TENM1: variants seen among roughly 807,000 people sequenced by gnomAD.
TENM1 encodes the protein teneurin transmembrane protein 1, also known as teneurin-1.
In TENM1, 35 loss-of-function variants were observed where a neutral mutation model predicts 174.8. That is an observed-to-expected ratio of 0.20 (90% CI 0.15 to 0.27). The LOEUF is 0.27. TENM1 is among the 10% of genes least tolerant of loss of function. The pLI, the probability that TENM1 is intolerant of heterozygous loss-of-function variation, is 1.00. For missense variants in TENM1, 1,633 were observed against 2,130.1 expected (o/e 0.77, Z 4.59); for synonymous variants, 781 against 798.7 (o/e 0.98, Z 0.37).
At chrX:124,676,306 ATATATATAC>A (rs2052083319) in intron 5 of TENM1, among the ~76,000 whole-genome samples, 1 of 55,541 alleles carries the variant, frequency 1.8e-5, no homozygotes, top group Non-Finnish European at 3.3e-5. Context: ...ATATATATAT[ATATATATAC>A]TCAATGAATG....
At chrX:124,685,883 T>C (rs769858198) in intron 5 of TENM1, among the ~76,000 whole-genome samples, 83 of 111,904 alleles carry the variant, frequency 7.4e-4, no homozygotes, top group African/African-American at 2.5e-3. Flanking sequence ...ATACACATTA[T>C]GGAAGTCCCG....
intron 1 of TENM1, among the ~76,000 whole-genome samples, chrX:124,930,860 C>G (rs954302261): frequency 6.2e-5 from 7 of 112,034 alleles, no homozygotes; most frequent in Admixed American, 3.8e-4. Flanking sequence ...TTCTTTTAGA[C>G]TGGATTTTTC....
chrX:124,744,260 G>T (rs1055335944), intron 3 of TENM1, among the ~76,000 whole-genome samples: 1 of 111,346 alleles, frequency 9.0e-6, no homozygotes, highest in Admixed American at 9.6e-5. Context: ...ATACAAGATG[G>T]ATATAACTCT....
At chrX:125,148,618 C>A in the TENM1 span, among the ~76,000 whole-genome samples, 1 of 111,697 alleles carries the variant, frequency 9.0e-6, no homozygotes, top group Non-Finnish European at 1.9e-5. Context: ...TTCCATAGTT[C>A]TAAATGTCTA....
intron 4 of TENM1, among the ~76,000 whole-genome samples, chrX:124,717,381 C>T (rs5956681): frequency 0.036 from 3,975 of 111,685 alleles, 174 homozygotes; most frequent in African/African-American, 0.12. Flanking sequence ...TAGAGGCAAT[C>T]GTATTCTCTC....
chrX:125,044,453 C>T, the TENM1 span, among the ~76,000 whole-genome samples: 1 of 109,216 alleles, frequency 9.2e-6, no homozygotes, highest in Non-Finnish European at 1.9e-5. Flanking sequence ...AGCCTGGTAT[C>T]GTGGCACACA....
intron 11 of TENM1, among the ~76,000 whole-genome samples, chrX:124,597,204 G>GAA (rs2049916724): frequency 9.0e-6 from 1 of 111,656 alleles, no homozygotes; most frequent in African/African-American, 3.3e-5. Context: ...GTCATTATAT[G>GAA]GAAAAAGACA....
the TENM1 span, among the ~76,000 whole-genome samples, chrX:124,970,435 T>C: frequency 8.9e-6 from 1 of 112,134 alleles, no homozygotes; most frequent in African/African-American, 3.2e-5. Flanking sequence ...TTTGGAATTA[T>C]TACAATAATT....
chrX:124,885,006 G>A (rs759954488), intron 3 of TENM1, among the ~76,000 whole-genome samples: 1 of 111,145 alleles, frequency 9.0e-6, no homozygotes, highest in South Asian at 3.8e-4. Flanking sequence ...GAATATTGTA[G>A]GCAATTATAA....
chrX:124,859,142 C>G (rs911698711), intron 3 of TENM1, among the ~76,000 whole-genome samples: 1 of 111,021 alleles, frequency 9.0e-6, no homozygotes, highest in Middle Eastern at 4.2e-3. Flanking sequence ...TTTTTGGAGT[C>G]TAGATGAGCA....
At chrX:124,659,084 G>T (rs1488334262) in intron 6 of TENM1, among the ~76,000 whole-genome samples, 1 of 111,851 alleles carries the variant, frequency 8.9e-6, no homozygotes, top group Admixed American at 9.5e-5. Context: ...CTCACACGGT[G>T]TAATACAAAT....
At chrX:124,752,262 A>T (rs2054093788) in intron 3 of TENM1, among the ~76,000 whole-genome samples, 1 of 110,623 alleles carries the variant, frequency 9.0e-6, no homozygotes, top group South Asian at 3.8e-4. Context: ...GCATTTTTTC[A>T]TGTGTCTTTT....
the TENM1 span, among the ~76,000 whole-genome samples, chrX:125,027,400 G>T: frequency 9.0e-6 from 1 of 111,326 alleles, no homozygotes; most frequent in Non-Finnish European, 1.9e-5. Context: ...GTTATTGAAG[G>T]ACATTAAAGA....
At chrX:124,910,911 A>G (rs2057825121) in intron 1 of TENM1, among the ~76,000 whole-genome samples, 3 of 108,488 alleles carry the variant, frequency 2.8e-5, no homozygotes, top group African/African-American at 1.0e-4. Flanking sequence ...CAAATTATAT[A>G]TTATAATTTT....
Position 124,684,364 on chromosome X carries a change from C to T in TENM1, c.1016-12529G>A, listed in dbSNP as rs765106576. ...GAAGAGTGTAAGAAGAATAGTTTAG[C>T]ATTACCTGCAATACTACTCTCCCAG... On this transcript the variant is annotated intron_variant, in intron 5 of 31. Coordinates refer to ENST00000422452, the Ensembl canonical transcript of TENM1. Among the ~76,000 whole-genome samples the T allele has an allele frequency of 3.6e-5, 4 of 112,570 alleles. No homozygotes were observed. In the East Asian group the frequency reaches 1.1e-3, roughly 32 times the overall value.
intron 3 of TENM1, among the ~76,000 whole-genome samples, chrX:124,743,514 G>T (rs2053848299): frequency 8.9e-6 from 1 of 112,095 alleles, no homozygotes; most frequent in East Asian, 2.8e-4. Flanking sequence ...GACTGAAGGA[G>T]AACAGTCACA....
intron 15 of TENM1, among the ~76,000 whole-genome samples, chrX:124,545,981 C>T (rs1389894737): frequency 3.6e-5 from 4 of 111,800 alleles, no homozygotes; most frequent in African/African-American, 1.3e-4. Context: ...TTATTTTTCC[C>T]CTTTTCTACT....
At position 124,953,151 on chromosome X, in the gene TENM1, C is replaced by T. The variant is rs2058516395; in HGVS notation, c.217+10386G>A. On this transcript the variant is annotated intron_variant, in intron 1 of 31. Coordinates refer to ENST00000422452, the Ensembl canonical transcript of TENM1. ...TTCCTGACAGGACATGTTGGCATAC[C>T]TCATGGTTATGCCTTTGCAGATATT... Among the ~76,000 whole-genome samples the T allele has an allele frequency of 3.6e-5, 4 of 112,098 alleles. No homozygotes were observed. In the South Asian group the frequency reaches 1.5e-3, roughly 41 times the overall value.
chrX:124,606,502 T>C (rs1320645287), intron 11 of TENM1, among the ~76,000 whole-genome samples: 1 of 111,671 alleles, frequency 9.0e-6, no homozygotes, highest in African/African-American at 3.3e-5. Context: ...CTGAGCTTTA[T>C]TTTCACCAAC....
Sources: allele counts gnomAD v4.1 joint callset (sites outside exome capture counted in the v4.1 genomes callset), GRCh38; gene constraint gnomAD v4.1.1; transcripts MANE v1.5; gene names NCBI Gene and HGNC (gene_info 2026-07-23, HGNC 2026-07-21).